The following CLSTN2 variants were observed in gnomAD, a reference collection of about 807,000 sequenced individuals.
The protein encoded by CLSTN2 is calsyntenin-2.
Under a neutral mutation model 101.2 loss-of-function variants are expected in CLSTN2, and 48 were observed. The ratio of observed to expected loss-of-function variants is 0.47; its 90% CI spans 0.38 to 0.60. The LOEUF is 0.60. Among genes scored for constraint, CLSTN2 ranks in the 20% least tolerant of loss-of-function variants. The pLI, the probability that CLSTN2 is intolerant of heterozygous loss-of-function variation, is 0.00. For synonymous variants in CLSTN2, 481 were observed against 463.6 expected (o/e 1.04, Z -0.48); for missense variants, 1,160 against 1,238.2 (o/e 0.94, Z 0.95).
intron 1 of CLSTN2, among the ~76,000 whole-genome samples, chr3:140,013,416 G>C (rs1168068014): frequency 6.6e-6 from 1 of 152,176 alleles, no homozygotes; most frequent in Non-Finnish European, 1.5e-5. Flanking sequence ...CCGGCTCTTT[G>C]TTTTGGCTCA....
chr3:140,006,457 G>A (rs2006956557), intron 1 of CLSTN2, among the ~76,000 whole-genome samples: 1 of 152,150 alleles, frequency 6.6e-6, no homozygotes, highest in African/African-American at 2.4e-5. Context: ...GGAGGCAGTT[G>A]GTCTCCACAG....
At chr3:140,133,373 C>A (rs1186509661) in intron 1 of CLSTN2, among the ~76,000 whole-genome samples, 1 of 152,184 alleles carries the variant, frequency 6.6e-6, no homozygotes, top group Admixed American at 6.6e-5. Flanking sequence ...AATATCCAAA[C>A]CATATCAGCA....
At chr3:140,218,783 T>C (rs899015894) in intron 2 of CLSTN2, among the ~76,000 whole-genome samples, 1 of 152,104 alleles carries the variant, frequency 6.6e-6, no homozygotes, top group Non-Finnish European at 1.5e-5. Context: ...GGGACACAAT[T>C]TGTTGAGGGA....
Position 140,125,072 on chromosome 3 carries a change from G to C in CLSTN2, c.110-50879G>C, listed in dbSNP as rs573408925. Among the ~76,000 whole-genome samples the C allele has an allele frequency of 1.9e-3, 288 of 152,280 alleles. 1 individual carries two copies. The highest frequency in any genetic ancestry group is 2.7e-3 in the Non-Finnish European group (185 of 68,024). On this transcript the variant is annotated intron_variant, in intron 1 of 16. Coordinates refer to ENST00000458420, the MANE Select transcript of CLSTN2 (RefSeq NM_022131.3). ...TAACCACTGGATTTAGTAGTGGGAT[G>C]CAAGTGATTCATGACATTGGGGGTC...
intron 1 of CLSTN2, among the ~76,000 whole-genome samples, chr3:139,960,732 TG>T (rs761869319): frequency 6.6e-6 from 1 of 152,212 alleles, no homozygotes; most frequent in Admixed American, 6.5e-5. Flanking sequence ...GGCTGTGTGA[TG>T]ATGACCATGA....
At chr3:140,454,920 C>T (rs1021399651) in intron 6 of CLSTN2, among the ~76,000 whole-genome samples, 1 of 152,164 alleles carries the variant, frequency 6.6e-6, no homozygotes, top group African/African-American at 2.4e-5. Flanking sequence ...ATACATTCTA[C>T]CACCACAAAG....
At chr3:140,046,967 A>T (rs762739576) in intron 1 of CLSTN2, among the ~76,000 whole-genome samples, 2 of 151,940 alleles carry the variant, frequency 1.3e-5, no homozygotes, top group Non-Finnish European at 2.9e-5. Flanking sequence ...GGATTTTTGA[A>T]CATTTGCCTA....
intron 8 of CLSTN2, among the ~76,000 whole-genome samples, chr3:140,521,189 C>T (rs1044186690): frequency 6.6e-6 from 1 of 151,648 alleles, no homozygotes; most frequent in Non-Finnish European, 1.5e-5. Context: ...AGAGGTGTTG[C>T]GGTCATTTGG....
intron 2 of CLSTN2, among the ~76,000 whole-genome samples, chr3:140,182,860 A>G (rs1365861166): frequency 6.6e-6 from 1 of 152,210 alleles, no homozygotes; most frequent in Non-Finnish European, 1.5e-5. Flanking sequence ...GAAGATGGGC[A>G]TACACAGCTC....
At chr3:140,301,379 A>G (rs576884781) in intron 2 of CLSTN2, among the ~76,000 whole-genome samples, 1 of 152,352 alleles carries the variant, frequency 6.6e-6, no homozygotes, top group South Asian at 2.1e-4. Context: ...CATATTTTCT[A>G]AAACAAGGTG....
intron 4 of CLSTN2, among the ~76,000 whole-genome samples, chr3:140,419,012 G>A (rs1200205285): frequency 2.1e-5 from 3 of 146,250 alleles, no homozygotes; most frequent in African/African-American, 5.4e-5. Context: ...CACTAATATT[G>A]TGTAATTGGT....
chr3:140,300,801 G>T (rs1444960984), intron 2 of CLSTN2, among the ~76,000 whole-genome samples: 1 of 146,162 alleles, frequency 6.8e-6, no homozygotes, highest in African/African-American at 2.4e-5. Context: ...GTACCAGTAG[G>T]CGATATATAT....
intron 1 of CLSTN2, among the ~76,000 whole-genome samples, chr3:139,994,802 T>C (rs1296403225): frequency 1.3e-5 from 2 of 152,238 alleles, no homozygotes; most frequent in Non-Finnish European, 2.9e-5. Flanking sequence ...ATGCCTCATA[T>C]ACTGCTAGGC....
At chr3:140,074,321 G>A (rs1015906460) in intron 1 of CLSTN2, among the ~76,000 whole-genome samples, 2 of 152,262 alleles carry the variant, frequency 1.3e-5, no homozygotes, top group Admixed American at 6.5e-5. Flanking sequence ...GATGGACAGA[G>A]GGCCCGGTTT....
chr3:140,238,184 C>T (rs1393585234), intron 2 of CLSTN2, among the ~76,000 whole-genome samples: 2 of 152,116 alleles, frequency 1.3e-5, no homozygotes, highest in East Asian at 1.9e-4. Context: ...TCTTCTGACC[C>T]TTTGGGGCCA....
chr3:140,490,009 T>TATATATATACAC (rs1559884815), intron 8 of CLSTN2, among the ~76,000 whole-genome samples: 2 of 290 alleles, frequency 6.9e-3, no homozygotes, highest in Non-Finnish European at 0.014. Context: ...AAAAAAGAAG[T>TATATATATACAC]ACATGTGTGT....
Position 140,354,413 on chromosome 3 carries a change from C to T in CLSTN2, c.233-49216C>T, listed in dbSNP as rs188065161. 5.9e-5 allele frequency among the ~76,000 whole-genome samples: 9 copies of T among 152,286 alleles called. No individual in the cohort carries two copies. In the East Asian group the frequency reaches 7.7e-4, roughly 13 times the overall value. On this transcript the variant is annotated intron_variant, in intron 2 of 16. Transcript: ENST00000458420. ...ATTGTCAGTTGGTGATATCTTTCTACGATTCACACTGCCGTCTTCTCATGA... is the reference window on the plus strand; with the variant it reads ...ATTGTCAGTTGGTGATATCTTTCTATGATTCACACTGCCGTCTTCTCATGA...
chr3:140,326,475 A>T (rs2087333089), intron 2 of CLSTN2, among the ~76,000 whole-genome samples: 1 of 152,250 alleles, frequency 6.6e-6, no homozygotes, highest in African/African-American at 2.4e-5. Flanking sequence ...AACCAAGGGA[A>T]AAAGAACCTA....
At chr3:140,142,207 T>G (rs2009712160) in intron 1 of CLSTN2, among the ~76,000 whole-genome samples, 3 of 152,200 alleles carry the variant, frequency 2.0e-5, no homozygotes. Context: ...TGGCTCATGT[T>G]GCTTCCTTCG....
Sources: gnomAD v4.1 joint callset for allele counts (sites outside exome capture counted in the v4.1 genomes callset) on GRCh38, gnomAD v4.1.1 for gene constraint, MANE v1.5 for transcripts, NCBI Gene and HGNC (gene_info 2026-07-23, HGNC 2026-07-21) for gene names.